Variants in GPC5 observed in about 807,000 individuals in gnomAD.
The protein encoded by GPC5 is glypican-5.
GPC5 carries 47 observed loss-of-function variants against 53.9 expected under a neutral mutation model. The observed-to-expected ratio is 0.87, with a 90% confidence interval of 0.69 to 1.11. The LOEUF (loss-of-function observed/expected upper bound fraction) is 1.11. Among genes scored for constraint, GPC5 ranks in the 50% most tolerant of loss-of-function variants. GPC5 has a pLI of 0.00. For synonymous variants in GPC5, 286 were observed against 263.3 expected, an observed-to-expected ratio of 1.09 and a Z score of -0.84; for missense variants, 748 against 713.1, an observed-to-expected ratio of 1.05 and a Z score of -0.56.
intron 5 of GPC5, among the ~76,000 whole-genome samples, chr13:91,882,078 C>A (rs571171657): frequency 6.6e-6 from 1 of 152,034 alleles, no homozygotes; most frequent in Non-Finnish European, 1.5e-5. Context: ...GGATTTTATT[C>A]TTTTAAAAAA....
chr13:91,535,905 A>G (rs1331644104), intron 2 of GPC5, among the ~76,000 whole-genome samples: 1 of 152,230 alleles, frequency 6.6e-6, no homozygotes, highest in African/African-American at 2.4e-5. Flanking sequence ...GTGCTAATAT[A>G]ATATTTGTGT....
chr13:91,720,897 CAGAT>C (rs1167340603), intron 3 of GPC5, among the ~76,000 whole-genome samples: 1 of 152,048 alleles, frequency 6.6e-6, no homozygotes, highest in East Asian at 1.9e-4. Flanking sequence ...TAAATAGATC[CAGAT>C]AGATAGACAG....
chr13:92,389,032 G>C (rs1253999534), intron 7 of GPC5, among the ~76,000 whole-genome samples: 1 of 152,068 alleles, frequency 6.6e-6, no homozygotes, highest in African/African-American at 2.4e-5. Context: ...ATGGAAAGCA[G>C]CCAGACACTG....
chr13:92,547,988 C>G (rs1218931981), intron 7 of GPC5, among the ~76,000 whole-genome samples: 3 of 135,370 alleles, frequency 2.2e-5, no homozygotes, highest in Non-Finnish European at 4.8e-5. Context: ...CGCCACCACG[C>G]CTGGCTAATT....
At chr13:91,553,234 G>T (rs1409448136) in intron 2 of GPC5, among the ~76,000 whole-genome samples, 1 of 97,394 alleles carries the variant, frequency 1.0e-5, no homozygotes, top group African/African-American at 4.7e-5. Flanking sequence ...AGGTTGTGAT[G>T]CAAATTGAAA....
At position 91,633,003 on chromosome 13, in the gene GPC5, C is replaced by T. The variant is rs115246194; in HGVS notation, c.326-60184C>T. 1.7e-3 allele frequency among the ~76,000 whole-genome samples: 254 copies of T among 152,114 alleles called. 2 individuals carry two copies. The highest frequency in any genetic ancestry group is 5.9e-3 in the African/African-American group (245 of 41,496). On this transcript the variant is annotated intron_variant, in intron 2 of 7. Coordinates refer to ENST00000377067, the MANE Select transcript of GPC5 (RefSeq NM_004466.6). ...ATACCCTCGACTAAACCTGAAGATG[C>T]TAGAAATATGGGGCTCAAATGAAAA...
chr13:92,467,037 G>A (rs555979916), intron 7 of GPC5, among the ~76,000 whole-genome samples: 36 of 152,070 alleles, frequency 2.4e-4, no homozygotes, highest in African/African-American at 7.7e-4. Context: ...CTGGAGAAAC[G>A]AGGCCTCCAT....
chr13:92,361,418 A>G (rs2043565992), intron 7 of GPC5, among the ~76,000 whole-genome samples: 1 of 151,784 alleles, frequency 6.6e-6, no homozygotes, highest in South Asian at 2.1e-4. Flanking sequence ...AGGTAGTTAA[A>G]TTCTAAAGTC....
chr13:92,831,395 A>G (rs535324173), intron 7 of GPC5, among the ~76,000 whole-genome samples: 17 of 152,136 alleles, frequency 1.1e-4, no homozygotes, highest in Non-Finnish European at 1.5e-5. Flanking sequence ...TTCTTGTTCC[A>G]TAATACTTTA....
At chr13:91,699,319 C>T (rs940571097) in intron 3 of GPC5, among the ~76,000 whole-genome samples, 4 of 152,080 alleles carry the variant, frequency 2.6e-5, no homozygotes, top group African/African-American at 9.7e-5. Flanking sequence ...ACTTGGCTGC[C>T]ACAAGGTGGA....
intron 7 of GPC5, among the ~76,000 whole-genome samples, chr13:92,168,592 C>T (rs866507874): frequency 2.0e-5 from 3 of 152,124 alleles, no homozygotes; most frequent in African/African-American, 7.2e-5. Flanking sequence ...AGCTCGACAT[C>T]AGTGATCATT....
intron 7 of GPC5, among the ~76,000 whole-genome samples, chr13:92,805,630 G>T (rs1458113344): frequency 6.6e-6 from 1 of 151,746 alleles, no homozygotes; most frequent in African/African-American, 2.4e-5. Context: ...TAGAGATCGG[G>T]TCTCACTTTG....
chr13:92,716,004 T>G (rs1369887553), intron 7 of GPC5, among the ~76,000 whole-genome samples: 1 of 152,172 alleles, frequency 6.6e-6, no homozygotes, highest in Non-Finnish European at 1.5e-5. Context: ...GCAGCACATA[T>G]TTTTGCCTAA....
Position 92,593,167 on chromosome 13 carries a change from T to G in GPC5, c.1562-273115T>G, listed in dbSNP as rs774813980. On this transcript the variant is annotated intron_variant, in intron 7 of 7. Transcript: ENST00000377067. ...GTGGATAAAGTGACTAATTTAAGTTTTTGAACCATCTCTGTCTGTTGAAAA... is the reference window on the plus strand; with the variant it reads ...GTGGATAAAGTGACTAATTTAAGTTGTTGAACCATCTCTGTCTGTTGAAAA... Among the ~76,000 whole-genome samples, 3 of 151,098 alleles carry G rather than the reference T, an allele frequency of 2.0e-5. 1 individual carries two copies. Among genetic ancestry groups the G allele is most frequent in the Non-Finnish European group, 3.0e-5 (2 of 67,586 alleles).
intron 7 of GPC5, among the ~76,000 whole-genome samples, chr13:92,823,406 CTATAA>C (rs1457601350): frequency 1.3e-5 from 2 of 151,902 alleles, no homozygotes; most frequent in South Asian, 2.1e-4. Context: ...AGCTGATTTG[CTATAA>C]TATAATTTAA....
In GPC5 at chr13:92,529,468, G is replaced by C. The variant is rs1241420142; in HGVS notation, c.1562-336814G>C. On this transcript the variant is annotated intron_variant, in intron 7 of 7. Transcript: ENST00000377067. ...ACATATCAAATCTCCAGTAATTGAA[G>C]AATTAATGATCAAATCAGCAACACA... Among the ~76,000 whole-genome samples, 4 of 152,192 alleles carry C rather than the reference G, an allele frequency of 2.6e-5. No individual in the cohort carries two copies. In the East Asian group the frequency reaches 7.7e-4, roughly 29 times the overall value.
intron 6 of GPC5, among the ~76,000 whole-genome samples, chr13:92,053,633 G>T (rs538903790): frequency 6.6e-6 from 1 of 151,726 alleles, no homozygotes; most frequent in Non-Finnish European, 1.5e-5. Context: ...TTTATATACA[G>T]ATATATGAAA....
At chr13:92,468,279 T>A (rs981473368) in intron 7 of GPC5, among the ~76,000 whole-genome samples, 11 of 152,084 alleles carry the variant, frequency 7.2e-5, no homozygotes, top group African/African-American at 2.4e-4. Flanking sequence ...AAGCAGCATA[T>A]TACAACTTCA....
At chr13:91,650,555 T>C (rs2034675001) in intron 2 of GPC5, among the ~76,000 whole-genome samples, 1 of 151,958 alleles carries the variant, frequency 6.6e-6, no homozygotes, top group Non-Finnish European at 1.5e-5. Flanking sequence ...ACAAGATGAG[T>C]AAACTTTGAA....
Sources: gnomAD v4.1 joint callset for allele counts (sites outside exome capture counted in the v4.1 genomes callset) on GRCh38, gnomAD v4.1.1 for gene constraint, MANE v1.5 for transcripts, NCBI Gene and HGNC (gene_info 2026-07-23, HGNC 2026-07-21) for gene names.